Variants in LRPPRC observed in about 807,000 individuals in gnomAD.
LRPPRC encodes leucine-rich PPR motif-containing protein, mitochondrial.
A neutral mutation model predicts 180.3 loss-of-function variants in LRPPRC; 120 were observed. The ratio of observed to expected loss-of-function variants is 0.67; its 90% confidence interval spans 0.57 to 0.77. The LOEUF is 0.77. LRPPRC is among the 30% of genes least tolerant of loss of function. The pLI, the probability that LRPPRC is intolerant of heterozygous loss-of-function variation, is 0.00. For synonymous variants in LRPPRC, 723 were observed against 600.0 expected, an observed-to-expected ratio of 1.21 and a Z score of -3.00; for missense variants, 2,012 against 1,657.2, an observed-to-expected ratio of 1.21 and a Z score of -3.72.
intron 36 of LRPPRC, among the ~76,000 whole-genome samples, chr2:43,893,499 A>AG (rs1348307184): frequency 6.6e-6 from 1 of 152,232 alleles, no homozygotes; most frequent in Non-Finnish European, 1.5e-5. Flanking sequence ...TCTACCAGCA[A>AG]GATTATGACT....
intron 25 of LRPPRC, among the ~76,000 whole-genome samples, chr2:43,927,258 T>C (rs1671912145): frequency 6.6e-6 from 1 of 152,242 alleles, no homozygotes; most frequent in Non-Finnish European, 1.5e-5. Context: ...CCCTTGAATC[T>C]AATCTCTTAA....
intron 1 of LRPPRC, among the ~76,000 whole-genome samples, chr2:43,987,152 C>T (rs1388921239): frequency 1.3e-5 from 2 of 151,994 alleles, no homozygotes; most frequent in Non-Finnish European, 2.9e-5. Flanking sequence ...CTGGAGCCTC[C>T]CGAGTTTTAA....
chr2:43,890,084 A>T (rs1320757117), intron 36 of LRPPRC: 1 of 602,380 alleles, frequency 1.7e-6, no homozygotes, highest in Non-Finnish European at 3.0e-6. Flanking sequence ...TTGAAGGAGA[A>T]GAAAATGACA....
At chr2:43,894,953 T>G (rs1230247865) in intron 35 of LRPPRC, among the ~76,000 whole-genome samples, 3 of 152,192 alleles carry the variant, frequency 2.0e-5, no homozygotes, top group Non-Finnish European at 4.4e-5. Context: ...GGTAGAGAGA[T>G]AACAACCCTA....
intron 1 of LRPPRC, among the ~76,000 whole-genome samples, chr2:43,988,819 A>G (rs1020023990): frequency 1.3e-5 from 2 of 152,128 alleles, no homozygotes; most frequent in African/African-American, 4.8e-5. Flanking sequence ...TTGGGATTAC[A>G]GGCATGAGCC....
chr2:43,994,833 A>T (rs530659989), intron 1 of LRPPRC, among the ~76,000 whole-genome samples: 1 of 152,344 alleles, frequency 6.6e-6, no homozygotes, highest in African/African-American at 2.4e-5. Context: ...CCTATCTCTG[A>T]TAAACCTCAA....
chr2:43,906,030 A>C (rs989544275), intron 30 of LRPPRC, among the ~76,000 whole-genome samples: 3 of 152,170 alleles, frequency 2.0e-5, no homozygotes, highest in Admixed American at 2.0e-4. Flanking sequence ...GATTTTTTTT[A>C]AACAATCGGT....
chr2:43,987,211 T>C (rs1031738031), intron 1 of LRPPRC, among the ~76,000 whole-genome samples: 1 of 152,168 alleles, frequency 6.6e-6, no homozygotes, highest in African/African-American at 2.4e-5. Context: ...TGTTTGGTAA[T>C]GAGCCGGACG....
chr2:43,935,120 C>T lies in LRPPRC; in HGVS notation c.2505-242G>A, dbSNP rs112276461. 4.2e-3 allele frequency among the ~76,000 whole-genome samples: 638 copies of T among 152,240 alleles called. 6 individuals carry two copies. The highest frequency in any genetic ancestry group is 0.014 in the African/African-American group (593 of 41,548). On this transcript the variant is annotated intron_variant, in intron 23 of 37. Transcript: ENST00000260665. ...TACCCTGCTTCATCTTTTATTATTT[C>T]GTGTGTTAAAGGGTACTTTATAAAA...
At chr2:43,991,038 T>TA (rs1674755681) in intron 1 of LRPPRC, among the ~76,000 whole-genome samples, 8 of 150,758 alleles carry the variant, frequency 5.3e-5, no homozygotes, top group African/African-American at 1.9e-4. Context: ...TTTTATTTTT[T>TA]TTTTTTTTTG....
At chr2:43,920,780 G>A (rs184265505) in intron 27 of LRPPRC, among the ~76,000 whole-genome samples, 1 of 152,194 alleles carries the variant, frequency 6.6e-6, no homozygotes, top group East Asian at 1.9e-4. Context: ...TGGGAAGACA[G>A]GGAAGGTTTC....
intron 20 of LRPPRC, among the ~76,000 whole-genome samples, chr2:43,946,548 T>C (rs1454309286): frequency 6.6e-6 from 1 of 152,052 alleles, no homozygotes; most frequent in Non-Finnish European, 1.5e-5. Context: ...GATTAAGTAA[T>C]TCCCAAATCA....
chr2:43,954,681 G>A (rs1673037080), intron 14 of LRPPRC, among the ~76,000 whole-genome samples: 1 of 152,170 alleles, frequency 6.6e-6, no homozygotes, highest in Admixed American at 6.5e-5. Flanking sequence ...GTGCATGCAT[G>A]TGCACAAACA....
At chr2:43,968,290 T>C (rs895087313) in intron 11 of LRPPRC, among the ~76,000 whole-genome samples, 6 of 152,324 alleles carry the variant, frequency 3.9e-5, no homozygotes, top group East Asian at 1.9e-4. Context: ...GCTAAATCTT[T>C]CTAACTACCA....
chr2:43,947,035 C>T (rs1672704312), intron 20 of LRPPRC, among the ~76,000 whole-genome samples: 2 of 152,166 alleles, frequency 1.3e-5, no homozygotes, highest in South Asian at 4.1e-4. Flanking sequence ...ACAGCTGTTA[C>T]TATCATTCAC....
At chr2:43,964,416 G>A (rs11124953) in intron 11 of LRPPRC, among the ~76,000 whole-genome samples, 62,785 of 151,900 alleles carry the variant, frequency 0.41, 13,694 homozygotes, top group Non-Finnish European at 0.49. Context: ...TTTGACAGAG[G>A]CTACAGTTTA....
chr2:43,957,345 T>C (rs770968799), intron 14 of LRPPRC, 40 bp downstream of exon 14: 2 of 1,387,138 alleles, frequency 1.4e-6, no homozygotes, highest in Non-Finnish European at 1.0e-6. Flanking sequence ...GAGAAATCAG[T>C]CCATGTTCAG....
rs114266486 is a variant in LRPPRC, at chr2:43,994,389, A to G, written c.149+1410T>C. On this transcript the variant is annotated intron_variant, in intron 1 of 37. Coordinates refer to ENST00000260665, the MANE Select transcript of LRPPRC (RefSeq NM_133259.4). The stretch of plus-strand genomic sequence containing the variant: ...CATGAAGGTCCGCATAACCGTAGAT[A>G]TTATGACTCCTGTAGTAACCAACAA... 5.9e-3 allele frequency among the ~76,000 whole-genome samples: 897 copies of G among 152,332 alleles called. 8 individuals are homozygous for G. Among genetic ancestry groups the G allele is most frequent in the African/African-American group, 0.021 (853 of 41,566 alleles).
At position 43,934,180 on chromosome 2, in the gene LRPPRC, A is replaced by T; in HGVS notation, c.2736+10T>A. 6.6e-7 allele frequency: 1 copy of T among 1,511,780 alleles called. No individual in the cohort carries two copies. Among genetic ancestry groups the T allele is most frequent in the Non-Finnish European group, 9.2e-7 (1 of 1,087,756 alleles). 93.6% of individuals were successfully genotyped at this position (1,511,780 alleles called of 1,614,324 possible). A position where few individuals can be genotyped will look rare whatever the true frequency, so the allele number is the denominator to read the frequency against. Reference sequence around the variant, plus strand: ...GCTCTACAATTAGAACACTGTAGTTAAAATCACACCTCAATGATCTTCTTG... The same window carrying T: ...GCTCTACAATTAGAACACTGTAGTTTAAATCACACCTCAATGATCTTCTTG... On this transcript the variant is annotated intron_variant, in intron 25 of 37. Transcript: ENST00000260665.
Sources: gnomAD v4.1 joint callset for allele counts (sites outside exome capture counted in the v4.1 genomes callset) on GRCh38, gnomAD v4.1.1 for gene constraint, MANE v1.5 for transcripts, NCBI Gene and HGNC (gene_info 2026-07-23, HGNC 2026-07-21) for gene names.